The following ERMN variants were observed in gnomAD, a reference collection of about 807,000 sequenced individuals.
The protein encoded by ERMN is ermin, ERM-like protein.
Under a neutral mutation model 21.4 loss-of-function variants are expected in ERMN, and 17 were observed. That is an observed-to-expected ratio of 0.80 (90% CI 0.54 to 1.19). The LOEUF is 1.19. Among genes scored for constraint, ERMN ranks in the 50% most tolerant of loss-of-function variants. ERMN has a pLI of 0.00. For synonymous variants in ERMN, 115 were observed against 111.9 expected (o/e 1.03, Z -0.17); for missense variants, 348 against 331.6 (o/e 1.05, Z -0.38).
chr2:157,324,423 A>G (rs1228155717), intron 2 of ERMN, among the ~76,000 whole-genome samples: 1 of 152,236 alleles, frequency 6.6e-6, no homozygotes. Flanking sequence ...AGAGATAGAC[A>G]TCACGTTGGT....
chr2:157,324,615 T>A (rs1574048780), intron 2 of ERMN, 55 bp downstream of exon 2: 1 of 1,351,594 alleles, frequency 7.4e-7, no homozygotes, highest in East Asian at 2.3e-5. Flanking sequence ...ATGGAAAGAC[T>A]GTCATCCATA....
chr2:157,324,613 A>G (rs769576913), intron 2 of ERMN, 57 bp downstream of exon 2: 17 of 1,331,812 alleles, frequency 1.3e-5, no homozygotes, highest in Admixed American at 1.8e-5. Flanking sequence ...TCATGGAAAG[A>G]CTGTCATCCA....
chr2:157,327,326 C>A, upstream of ERMN: 1 of 627,586 alleles, frequency 1.6e-6, no homozygotes, highest in East Asian at 2.8e-5. Flanking sequence ...TCCTAGATCT[C>A]CCTCCCGCGT....
At chr2:157,321,868 T>C (rs904971842) in intron 2 of ERMN, 77 bp from the exon 3 acceptor site, 2 of 1,288,012 alleles carry the variant, frequency 1.6e-6, no homozygotes, top group African/African-American at 3.0e-5. Flanking sequence ...ATTCTCCAAA[T>C]AATTTTTCTT....
At position 157,321,330 on chromosome 2, in the gene ERMN, T is replaced by A; in HGVS notation, c.796A>T (p.Ile266Phe). 1 of 1,614,062 alleles carries A rather than the reference T, an allele frequency of 6.2e-7. No individual in the cohort carries two copies. Among genetic ancestry groups the A allele is most frequent in the Non-Finnish European group, 8.5e-7 (1 of 1,179,958 alleles). ...CTTTGCTTGGTATTTCCCTTTCTGA[T>A]TTTCCGATAGGATATTGTATTGTAT... ...SRYNTISYRKIRKGNTKQRID... is the reference protein window; with the variant it reads ...SRYNTISYRKFRKGNTKQRID... Residue 266 changes from isoleucine to phenylalanine, a missense_variant, in exon 3 of 3, where the codon ATC becomes TTC. By Grantham distance (21) the Ile-to-Phe change is conservative. Coordinates refer to ENST00000410096, the MANE Select transcript of ERMN (RefSeq NM_020711.3).
At chr2:157,327,448 G>C, upstream of ERMN, 1 of 779,636 alleles carries the variant, frequency 1.3e-6, no homozygotes, top group South Asian at 1.3e-5. Flanking sequence ...TGTCCTAATT[G>C]ACTCATAAAT....
chr2:157,324,127 C>T, intron 2 of ERMN: 1 of 254,288 alleles, frequency 3.9e-6, no homozygotes, highest in Non-Finnish European at 7.9e-6. Flanking sequence ...CACAAAATAG[C>T]TGGGCGTGGT....
chr2:157,326,853 T>C (rs775740873), upstream of ERMN, among the ~76,000 whole-genome samples: 3 of 152,066 alleles, frequency 2.0e-5, no homozygotes, highest in Non-Finnish European at 2.9e-5. Context: ...CTGTTACACA[T>C]TGTCTTTGCC....
chr2:157,325,994 G>C (rs1240494356), upstream of ERMN: 2 of 1,084,212 alleles, frequency 1.8e-6, no homozygotes, highest in East Asian at 1.1e-4. Flanking sequence ...GGCATGTAGA[G>C]AGGGACTTTC....
rs771683728 is a variant in ERMN, at chr2:157,324,783, CA to C, written c.242-22del. ...GTTTTCTAGGAAAAAAATATAAAATCAGTATTTTAACATTTAAAATATTTAT... is the reference window on the plus strand; with the variant it reads ...GTTTTCTAGGAAAAAAATATAAAATCGTATTTTAACATTTAAAATATTTAT... On this transcript the variant is annotated intron_variant, in intron 1 of 2. Transcript: ENST00000410096. 3.9e-6 allele frequency: 6 copies of C among 1,524,678 alleles called. No individual in the cohort carries two copies. In the East Asian group the frequency reaches 1.4e-4, roughly 35 times the overall value. The allele number at this position is 1,524,678 out of a possible 1,614,324, so 94.4% of individuals were successfully genotyped here. A position where few individuals can be genotyped will look rare whatever the true frequency, so the allele number is the denominator to read the frequency against.
In ERMN at chr2:157,325,332, T is replaced by A. The variant is rs1684037543; in HGVS notation, c.241+70A>T. 1.9e-6 allele frequency: 3 copies of A among 1,598,284 alleles called. No homozygotes were observed. In the South Asian group the frequency reaches 3.3e-5, roughly 18 times the overall value. ...GGTGTCCAGCTCATTTCGATAATAG[T>A]TTATCAAAAAAATCCAGGGTAAATT... is the stretch of plus-strand genomic sequence containing the variant. On this transcript the variant is annotated intron_variant, in intron 1 of 2. Transcript: ENST00000410096.
chr2:157,323,111 C>A (rs748659830), intron 2 of ERMN, among the ~76,000 whole-genome samples: 4 of 152,166 alleles, frequency 2.6e-5, no homozygotes, highest in Non-Finnish European at 5.9e-5. Context: ...AAAACATACT[C>A]CATCAAACAG....
In ERMN at chr2:157,321,349, A is replaced by G. The variant is rs1382539388; in HGVS notation, c.777T>C (p.Asn259=). ...DISRNAYSRY[N]TISYRKIRKG... The stretch of plus-strand genomic sequence containing the variant: ...TTCTGATTTTCCGATAGGATATTGT[A>G]TTGTATCTGGAATAAGCATTTCTGG... Residue 259 remains asparagine (N), a synonymous_variant, in exon 3 of 3, where the codon AAT becomes AAC. Coordinates refer to ENST00000410096, the MANE Select transcript of ERMN (RefSeq NM_020711.3). The G allele has an allele frequency of 6.2e-7, 1 of 1,613,992 alleles. No homozygotes were observed. The highest frequency in any genetic ancestry group is 1.7e-5 in the Admixed American group (1 of 59,992).
At position 157,320,625 on chromosome 2, in the gene ERMN, T is replaced by C. The variant is rs1428205567; in HGVS notation, c.*646A>G. ...CAGTTTGAAAGCATAAAGGCAACAT[T>C]TAGCAAACAGAATTATCCTGACTGA... is the stretch of plus-strand genomic sequence containing the variant. On this transcript the variant is annotated 3_prime_UTR_variant, in exon 3 of 3. Transcript: ENST00000410096. 1 of 152,258 alleles carries C rather than the reference T, an allele frequency of 6.6e-6. No individual in the cohort carries two copies. The highest frequency in any genetic ancestry group is 1.5e-5 in the Non-Finnish European group (1 of 68,086). 9.4% of individuals were successfully genotyped at this position (152,258 alleles called of 1,614,324 possible). A position where few individuals can be genotyped will look rare whatever the true frequency, so the allele number is the denominator to read the frequency against.
At chr2:157,323,062 G>T (rs1422984847) in intron 2 of ERMN, among the ~76,000 whole-genome samples, 1 of 152,118 alleles carries the variant, frequency 6.6e-6, no homozygotes, top group African/African-American at 2.4e-5. Flanking sequence ...CCACTGTGAA[G>T]ATAAAACACA....
Position 157,324,655 on chromosome 2 carries a change from T to G in ERMN, c.334+15A>C. On this transcript the variant is annotated intron_variant, in intron 2 of 2. Transcript: ENST00000410096. ...GTCAAACAATTTCTGTGTACAAAAC[T>G]GTAGTTCTTGTTACCTTCTCTGAAT... is the stretch of plus-strand genomic sequence containing the variant. 6.3e-7 allele frequency: 1 copy of G among 1,585,560 alleles called. No homozygotes were observed.
chr2:157,325,975 T>C, upstream of ERMN: 21 of 1,173,628 alleles, frequency 1.8e-5, no homozygotes, highest in Non-Finnish European at 2.2e-5. Flanking sequence ...GCAATCAGGC[T>C]TTTGTGTTGG....
chr2:157,325,027 T>C (rs190423655), intron 1 of ERMN: 132 of 382,388 alleles, frequency 3.5e-4, no homozygotes, highest in African/African-American at 2.5e-3. Flanking sequence ...ACTTCAGTTA[T>C]ATTTAGAAGG....
In ERMN at chr2:157,321,775, C is replaced by A; in HGVS notation, c.351G>T (p.Lys117Asn). The stretch of plus-strand genomic sequence containing the variant: ...CCTGGTTACTGCCACTCAGAGGAAT[C>A]TTCTCCCACTGATGCCCTGTAGCAA... ...MTFREGHQWE[K>N]IPLSGSNQEI... The change falls in exon 3 of 3, where the codon AAG becomes AAT. Residue 117 changes from lysine (K) to asparagine (N), a missense_variant. Coordinates refer to ENST00000410096, the MANE Select transcript of ERMN (RefSeq NM_020711.3). 15 of 1,608,716 alleles carry A rather than the reference C, an allele frequency of 9.3e-6. No individual in the cohort carries two copies. Among genetic ancestry groups the A allele is most frequent in the Non-Finnish European group, 1.3e-5 (15 of 1,178,340 alleles).
Sources: allele counts gnomAD v4.1 joint callset (sites outside exome capture counted in the v4.1 genomes callset), GRCh38; gene constraint gnomAD v4.1.1; transcripts MANE v1.5; gene names NCBI Gene and HGNC (gene_info 2026-07-23, HGNC 2026-07-21).